TNRC18: variants seen among roughly 807,000 people sequenced by gnomAD.
TNRC18 encodes the protein trinucleotide repeat-containing gene 18 protein.
TNRC18 carries 69 observed loss-of-function variants against 226.7 expected under a neutral mutation model. The observed-to-expected ratio is 0.30, with a 90% confidence interval of 0.25 to 0.37. The LOEUF (loss-of-function observed/expected upper bound fraction) is 0.37. TNRC18 is among the 10% of genes least tolerant of loss of function. The probability of loss-of-function intolerance (pLI) is 1.00; values close to 1 mark genes in which losing one functional copy is unlikely to be tolerated. For missense variants in TNRC18, 4,754 were observed against 4,256.6 expected (o/e 1.12, Z -3.25); for synonymous variants, 2,449 against 1,927.6 (o/e 1.27, Z -7.09).
At chr7:5,327,756 T>G (rs1286200963) in intron 19 of TNRC18, among the ~76,000 whole-genome samples, 1 of 151,144 alleles carries the variant, frequency 6.6e-6, no homozygotes, top group Non-Finnish European at 1.5e-5. Flanking sequence ...AAAAAAAACA[T>G]AAAGTAAATA....
chr7:5,360,842 T>C (rs930488250), intron 14 of TNRC18, among the ~76,000 whole-genome samples: 33 of 152,160 alleles, frequency 2.2e-4, no homozygotes, highest in African/African-American at 8.0e-4. Context: ...AGAAGAACTG[T>C]GGCCTTCCCA....
rs1428291686 is a variant in TNRC18 at position 5,394,611 on chromosome 7, G to A, written c.188-16C>T. Reference sequence around the variant, plus strand: ...AAGGCCTCGCCTGCAGAGAGAAGTTGGGAGGACCGTCAGGCAGACAACCAG... The same window carrying A: ...AAGGCCTCGCCTGCAGAGAGAAGTTAGGAGGACCGTCAGGCAGACAACCAG... On this transcript the variant is annotated splice_polypyrimidine_tract_variant and intron_variant, in intron 2 of 29. Transcript: ENST00000430969. The surrounding 1 kb of genome is among the most constrained non-coding windows in gnomAD (Gnocchi z 4.5). The A allele has an allele frequency of 3.3e-6, 5 of 1,537,416 alleles. No individual in the cohort carries two copies. The highest frequency in any genetic ancestry group is 2.1e-5 in the Admixed American group (1 of 47,632).
rs148805901 is a variant in TNRC18 at position 5,326,315 on chromosome 7, G to A, written c.6148-1067C>T. 1.7e-3 allele frequency among the ~76,000 whole-genome samples: 253 copies of A among 152,140 alleles called. 1 individual carries two copies. The highest frequency in any genetic ancestry group is 5.6e-3 in the African/African-American group (231 of 41,524). On this transcript the variant is annotated intron_variant, in intron 19 of 29. Coordinates refer to ENST00000430969, the MANE Select transcript of TNRC18 (RefSeq NM_001080495.3). ...TGCAACGTTTCCCCTCAACATGACTGATACATATGAAAGGAGCTTCATTTT... is the reference window on the plus strand; with the variant it reads ...TGCAACGTTTCCCCTCAACATGACTAATACATATGAAAGGAGCTTCATTTT...
At chr7:5,334,707 GGTACCACCCC>G (rs1257023183) in intron 18 of TNRC18, among the ~76,000 whole-genome samples, 1 of 152,060 alleles carries the variant, frequency 6.6e-6, no homozygotes, top group East Asian at 1.9e-4. Flanking sequence ...GACAGAATGA[GGTACCACCCC>G]GTAACAGTCC....
In TNRC18 at chr7:5,384,198, C is replaced by A. The variant is rs150309085; in HGVS notation, c.2152+3474G>T. Among the ~76,000 whole-genome samples the A allele has an allele frequency of 2.8e-3, 421 of 152,234 alleles. 5 individuals are homozygous for A. Among genetic ancestry groups the A allele is most frequent in the African/African-American group, 9.4e-3 (390 of 41,548 alleles). ...AACCAGTCTGATCTCAAACTCCTGA[C>A]CTCGGGTGATCCACCCGCCTCGGTC... On this transcript the variant is annotated intron_variant, in intron 5 of 29. Transcript: ENST00000430969.
At chr7:5,372,957 G>A (rs937406838) in intron 10 of TNRC18, among the ~76,000 whole-genome samples, 3 of 152,050 alleles carry the variant, frequency 2.0e-5, no homozygotes, top group East Asian at 1.9e-4. Flanking sequence ...TTGGGCGTTC[G>A]AGACCAGCCT....
intron 11 of TNRC18, among the ~76,000 whole-genome samples, chr7:5,369,291 G>C (rs1793932021): frequency 6.6e-6 from 1 of 152,198 alleles, no homozygotes; most frequent in Non-Finnish European, 1.5e-5. Flanking sequence ...GGAGGCTGCA[G>C]TGAGCCGAGA....
chr7:5,355,017 A>C (rs901655895), intron 16 of TNRC18, among the ~76,000 whole-genome samples: 3 of 152,248 alleles, frequency 2.0e-5, no homozygotes, highest in African/African-American at 7.2e-5. Flanking sequence ...AGAACCAGGC[A>C]GCTGCCAATG....
intron 19 of TNRC18, chr7:5,330,077 G>GC: frequency 2.3e-6 from 1 of 438,660 alleles, no homozygotes. Context: ...TGTGGTAGGT[G>GC]CCCCCCAACA....
chr7:5,394,598 G>A lies in TNRC18; in HGVS notation c.188-3C>T. ...AAAGCTGCCCAAGAAGGCCTCGCCT[G>A]CAGAGAGAAGTTGGGAGGACCGTCA... On this transcript the variant is annotated splice_polypyrimidine_tract_variant and splice_region_variant and intron_variant, in intron 2 of 29. Coordinates refer to ENST00000430969, the MANE Select transcript of TNRC18 (RefSeq NM_001080495.3). This position sits in a 1 kb window ranked among gnomAD's most constrained non-coding sequence, Gnocchi z 4.5. 6.5e-7 allele frequency: 1 copy of A among 1,543,452 alleles called. No homozygotes were observed. Among genetic ancestry groups the A allele is most frequent in the Non-Finnish European group, 8.7e-7 (1 of 1,144,924 alleles).
At chr7:5,314,932 T>C in intron 26 of TNRC18, 52 bp downstream of exon 26, 5 of 1,536,382 alleles carry the variant, frequency 3.3e-6, no homozygotes, top group Non-Finnish European at 4.4e-6. Flanking sequence ...TGAGTTTGGA[T>C]GCACGAAGGA....
intron 18 of TNRC18, among the ~76,000 whole-genome samples, chr7:5,338,519 G>A (rs895481478): frequency 6.6e-6 from 1 of 151,700 alleles, no homozygotes; most frequent in African/African-American, 2.4e-5. Context: ...GCCAAAGTGG[G>A]CAGATCATCT....
chr7:5,339,541 ATG>A (rs71536907), intron 18 of TNRC18, among the ~76,000 whole-genome samples: 42,416 of 136,810 alleles, frequency 0.31, 7,004 homozygotes, highest in Middle Eastern at 0.47. Context: ...TGCCCAGCCA[ATG>A]TGTGTGTGTG....
intron 2 of TNRC18, among the ~76,000 whole-genome samples, chr7:5,416,307 C>A (rs1262022430): frequency 2.0e-5 from 3 of 151,524 alleles, no homozygotes; most frequent in Admixed American, 1.3e-4. Flanking sequence ...CCCAGCTACT[C>A]GGGAGGCTGA....
Position 5,377,063 on chromosome 7 carries a change from G to A in TNRC18, c.2462-70C>T. ...AGCGGTTTGTCCTCGGGCAGCCCCA[G>A]CCCAGCACCACCTCCCAAGTCCTGA... On this transcript the variant is annotated intron_variant, in intron 7 of 29. Transcript: ENST00000430969. This position sits in a 1 kb window ranked among gnomAD's most constrained non-coding sequence, Gnocchi z 5.8. 6.6e-7 allele frequency: 1 copy of A among 1,523,474 alleles called. No homozygotes were observed. The highest frequency in any genetic ancestry group is 8.8e-7 in the Non-Finnish European group (1 of 1,137,698). 94.4% of individuals were successfully genotyped at this position (1,523,474 alleles called of 1,614,324 possible).
chr7:5,378,176 C>T (rs999574825), intron 5 of TNRC18, among the ~76,000 whole-genome samples, 152 bp from the exon 6 acceptor site: 1 of 152,086 alleles, frequency 6.6e-6, no homozygotes, highest in Non-Finnish European at 1.5e-5. Context: ...AACATCTTTC[C>T]TTATGACGCA....
Position 5,351,810 on chromosome 7 carries a change from G to T in TNRC18, c.5470+9C>A, listed in dbSNP as rs758820346. ...ACACGGAAGGTATTTTGTGTTTGGA[G>T]CTAGTAACCTTGGTCAAACGATTCC... On this transcript the variant is annotated intron_variant, in intron 17 of 29. Transcript: ENST00000430969. 137 of 1,571,728 alleles carry T rather than the reference G, an allele frequency of 8.7e-5. 1 individual carries two copies. In the Admixed American group the frequency reaches 2.2e-3, roughly 25 times the overall value.
At position 5,324,397 on chromosome 7, in the gene TNRC18, C is replaced by A. The variant is rs779006584; in HGVS notation, c.6301-42G>T. 5 of 1,604,900 alleles carry A rather than the reference C, an allele frequency of 3.1e-6. No homozygotes were observed. In the South Asian group the frequency reaches 3.3e-5, roughly 11 times the overall value. On this transcript the variant is annotated intron_variant, in intron 20 of 29. Transcript: ENST00000430969. This position sits in a 1 kb window ranked among gnomAD's most constrained non-coding sequence, Gnocchi z 4.8. ...GCCGACAAATGACTTAGGACCTGAA[C>A]AGGGGTCCTGCCGGGTTGGGGACCC...
chr7:5,422,649 C>G (rs1466225624), intron 1 of TNRC18: 2 of 152,308 alleles, frequency 1.3e-5, no homozygotes, highest in African/African-American at 2.4e-5. Context: ...CCCAGCCCCC[C>G]GAGCAGGAGA....
Sources: gnomAD v4.1 joint callset for allele counts (sites outside exome capture counted in the v4.1 genomes callset) on GRCh38, gnomAD v4.1.1 for gene constraint, Gnocchi (gnomAD v3.1) non-coding constraint, MANE v1.5 for transcripts, NCBI Gene and HGNC (gene_info 2026-07-23, HGNC 2026-07-21) for gene names.